Variants in NR3C1 observed in about 807,000 individuals in gnomAD.
NR3C1 encodes the protein glucocorticoid receptor.
In NR3C1, 14 loss-of-function variants were observed where a neutral mutation model predicts 74.0. The observed-to-expected ratio is 0.19, with a 90% CI of 0.12 to 0.30. The LOEUF is 0.30. Among genes scored for constraint, NR3C1 ranks in the 10% least tolerant of loss-of-function variants. The pLI is 1.00. For missense variants in NR3C1, 695 were observed against 909.8 expected (o/e 0.76, Z 3.04); for synonymous variants, 308 against 332.5 (o/e 0.93, Z 0.80).
Position 143,295,449 on chromosome 5 carries a change from G to T in NR3C1, c.2023+11C>A. The T allele has an allele frequency of 1.2e-6, 2 of 1,611,878 alleles. No individual in the cohort carries two copies. The highest frequency in any genetic ancestry group is 1.7e-6 in the Non-Finnish European group (2 of 1,178,704). On this transcript the variant is annotated intron_variant, in intron 7 of 8. Transcript: ENST00000394464. ...TGCTTTTGACATAAGGTGAAAAGGTGTTCTACCAACCTGAAGAGAGAAGCA... is the reference window on the plus strand; with the variant it reads ...TGCTTTTGACATAAGGTGAAAAGGTTTTCTACCAACCTGAAGAGAGAAGCA...
chr5:143,303,195 T>C (rs867516881), intron 4 of NR3C1, among the ~76,000 whole-genome samples: 1 of 124,124 alleles, frequency 8.1e-6, no homozygotes, highest in East Asian at 2.4e-4. Context: ...AATGGATAAA[T>C]TGGAACAAAG....
At chr5:143,434,995 A>G (rs921368708) in exon 1 of NR3C1, 25 of 985,070 alleles carry the variant, frequency 2.5e-5, no homozygotes, top group Middle Eastern at 5.2e-4. Flanking sequence ...TGACTCTCCT[A>G]ATTATGGTGA....
intron 2 of NR3C1, among the ~76,000 whole-genome samples, chr5:143,317,085 T>C (rs768356248): frequency 2.0e-5 from 3 of 152,056 alleles, no homozygotes; most frequent in Non-Finnish European, 2.9e-5. Context: ...AGATGTACCA[T>C]AGACATCGGT....
intron 4 of NR3C1, 74 bp downstream of exon 4, chr5:143,310,023 G>GT (rs1820566131): frequency 9.2e-7 from 1 of 1,091,352 alleles, no homozygotes; most frequent in South Asian, 1.3e-5. Flanking sequence ...CTGCTTACGT[G>GT]TATCTTCAAA....
chr5:143,392,293 T>A (rs1838393884), intron 2 of NR3C1, among the ~76,000 whole-genome samples: 1 of 152,186 alleles, frequency 6.6e-6, no homozygotes, highest in Non-Finnish European at 1.5e-5. Flanking sequence ...AAAGTAAACG[T>A]ACATGCACAA....
At chr5:143,377,601 C>T (rs1835436218) in intron 2 of NR3C1, among the ~76,000 whole-genome samples, 1 of 152,248 alleles carries the variant, frequency 6.6e-6, no homozygotes. Flanking sequence ...ATTTATCTTT[C>T]CTCCCTATGA....
intron 7 of NR3C1, among the ~76,000 whole-genome samples, chr5:143,289,808 C>T (rs1815431634): frequency 6.6e-6 from 1 of 152,172 alleles, no homozygotes; most frequent in Admixed American, 6.6e-5. Flanking sequence ...AAGAGGCTGA[C>T]AGTACCAAGT....
At chr5:143,290,496 C>T (rs1815632736) in intron 7 of NR3C1, among the ~76,000 whole-genome samples, 1 of 152,152 alleles carries the variant, frequency 6.6e-6, no homozygotes, top group South Asian at 2.1e-4. Flanking sequence ...TCAGATATAG[C>T]TTTTTTTAAA....
At chr5:143,427,710 C>T (rs954153687) in intron 1 of NR3C1, among the ~76,000 whole-genome samples, 8 of 152,184 alleles carry the variant, frequency 5.3e-5, no homozygotes, top group African/African-American at 1.9e-4. Flanking sequence ...CACTAGCAAC[C>T]TTCTGAACAT....
chr5:143,281,750 T>C lies in NR3C1; in HGVS notation c.*139A>G, dbSNP rs1562686040. ...GTCTTGGCCCTCTATAAACCACATGTAGTGCGTATTTAAAACAAAACAACA... is the reference window on the plus strand; with the variant it reads ...GTCTTGGCCCTCTATAAACCACATGCAGTGCGTATTTAAAACAAAACAACA... On this transcript the variant is annotated 3_prime_UTR_variant, in exon 9 of 9. Coordinates refer to ENST00000394464, the MANE Select transcript of NR3C1 (RefSeq NM_000176.3). The C allele has an allele frequency of 1.1e-6, 1 of 883,314 alleles. No homozygotes were observed. Among genetic ancestry groups the C allele is most frequent in the Middle Eastern group, 3.5e-4 (1 of 2,860 alleles). The allele number at this position is 883,314 out of a possible 1,614,324, so 54.7% of individuals were successfully genotyped here.
Position 143,281,730 on chromosome 5 carries a change from G to A in NR3C1, c.*159C>T. Reference sequence around the variant, plus strand: ...TCAACTGCTTCTGTTGCCAAGTCTTGGCCCTCTATAAACCACATGTAGTGC... The same window carrying A: ...TCAACTGCTTCTGTTGCCAAGTCTTAGCCCTCTATAAACCACATGTAGTGC... On this transcript the variant is annotated 3_prime_UTR_variant, in exon 9 of 9. Coordinates refer to ENST00000394464, the MANE Select transcript of NR3C1 (RefSeq NM_000176.3). 1.4e-6 allele frequency: 1 copy of A among 698,258 alleles called. No individual in the cohort carries two copies. The highest frequency in any genetic ancestry group is 2.4e-6 in the Non-Finnish European group (1 of 423,900). 43.3% of individuals were successfully genotyped at this position (698,258 alleles called of 1,614,324 possible). A position where few individuals can be genotyped will look rare whatever the true frequency, so the allele number is the denominator to read the frequency against.
rs1341575333 is a variant in NR3C1, at chr5:143,310,210, T to C, written c.1355A>G (p.Gln452Arg). 1 of 1,608,382 alleles carries C rather than the reference T, an allele frequency of 6.2e-7. No homozygotes were observed. Among genetic ancestry groups the C allele is most frequent in the South Asian group, 1.1e-5 (1 of 90,946 alleles). Reference sequence around the variant, plus strand: ...CCTTCCAGCACATAGGTAATTGTGCTGTCCTATATGGAATAAAAGGCACTA... The same window carrying C: ...CCTTCCAGCACATAGGTAATTGTGCCGTCCTATATGGAATAAAAGGCACTA... Reference protein sequence around the residue: ...KVFFKRAVEGQHNYLCAGRND... With the variant: ...KVFFKRAVEGRHNYLCAGRND... The change falls in exon 4 of 9, where the codon CAG becomes CGG. Residue 452 changes from glutamine to arginine, a missense_variant. By Grantham distance (43) the Gln-to-Arg change is conservative. Coordinates refer to ENST00000394464, the MANE Select transcript of NR3C1 (RefSeq NM_000176.3).
chr5:143,281,466 A>G lies in NR3C1; in HGVS notation c.*423T>C, dbSNP rs1046988448. The G allele has an allele frequency of 3.2e-5, 6 of 188,308 alleles. No individual in the cohort carries two copies. Among genetic ancestry groups the G allele is most frequent in the African/African-American group, 1.4e-4 (6 of 41,784 alleles). The allele number at this position is 188,308 out of a possible 1,614,324, so 11.7% of individuals were successfully genotyped here. A position where few individuals can be genotyped will look rare whatever the true frequency, so the allele number is the denominator to read the frequency against. ...TTTCCATGCATAAATCAAAAATGCT[A>G]TCCTAACTATACAGGGGGGGGATAC... is the stretch of plus-strand genomic sequence containing the variant. On this transcript the variant is annotated 3_prime_UTR_variant, in exon 9 of 9. Coordinates refer to ENST00000394464, the MANE Select transcript of NR3C1 (RefSeq NM_000176.3).
At chr5:143,400,956 T>C (rs1840158304) in intron 1 of NR3C1, 104 bp from the exon 2 acceptor site, 1 of 849,804 alleles carries the variant, frequency 1.2e-6, no homozygotes, top group Admixed American at 2.0e-5. Flanking sequence ...ATGAACCTTT[T>C]AGTTAACTCC....
rs555132016 is a variant in NR3C1 at position 143,421,300 on chromosome 5, A to G, written c.-14+13232T>C. On this transcript the variant is annotated intron_variant, in intron 1 of 8. Transcript: ENST00000343796. ...TCAGAAGGGCTTGCATGTTTTTACT[A>G]TCCTTCATCCCTTATTTTCTTTCTT... Among the ~76,000 whole-genome samples, 8 of 152,248 alleles carry G rather than the reference A, an allele frequency of 5.3e-5. No individual in the cohort carries two copies. In the South Asian group the frequency reaches 1.7e-3, roughly 32 times the overall value.
chr5:143,290,416 A>G (rs1343763637), intron 7 of NR3C1, among the ~76,000 whole-genome samples: 4 of 152,242 alleles, frequency 2.6e-5, no homozygotes, highest in African/African-American at 9.6e-5. Context: ...CTTTACAGAA[A>G]AAGTTGGCCA....
At chr5:143,393,355 C>G (rs1460666716) in intron 2 of NR3C1, among the ~76,000 whole-genome samples, 1 of 152,164 alleles carries the variant, frequency 6.6e-6, no homozygotes, top group African/African-American at 2.4e-5. Context: ...TAGAAACACA[C>G]ACACAGGTGT....
chr5:143,348,517 C>A (rs1167782842), intron 2 of NR3C1, among the ~76,000 whole-genome samples: 1 of 152,156 alleles, frequency 6.6e-6, no homozygotes, highest in African/African-American at 2.4e-5. Context: ...AAGTGACACG[C>A]CACCTTCTTG....
chr5:143,320,098 C>T (rs1353154347), intron 2 of NR3C1, among the ~76,000 whole-genome samples: 3 of 152,220 alleles, frequency 2.0e-5, no homozygotes, highest in Admixed American at 2.0e-4. Context: ...TACTCAGCTG[C>T]ACACACCAGG....
Sources: gnomAD v4.1 joint callset for allele counts (sites outside exome capture counted in the v4.1 genomes callset) on GRCh38, gnomAD v4.1.1 for gene constraint, MANE v1.5 for transcripts, NCBI Gene and HGNC (gene_info 2026-07-23, HGNC 2026-07-21) for gene names.